The following CSMD1 variants were observed in gnomAD, a reference collection of about 807,000 sequenced individuals.
CSMD1 encodes CUB and Sushi multiple domains 1.
CSMD1 carries 213 observed loss-of-function variants against 417.5 expected under a neutral mutation model. The ratio of observed to expected loss-of-function variants is 0.51; its 90% CI spans 0.46 to 0.57. The LOEUF is 0.57. Among genes scored for constraint, CSMD1 ranks in the 20% least tolerant of loss-of-function variants. The pLI is 0.00. For missense variants in CSMD1, 6,923 were observed against 4,529.7 expected, an observed-to-expected ratio of 1.53 and a Z score of -15.17; for synonymous variants, 2,862 against 1,736.8, an observed-to-expected ratio of 1.65 and a Z score of -16.11.
In CSMD1 at chr8:2,957,801, T is replaced by C; in HGVS notation, c.9709A>G (p.Ser3237Gly). 1 of 1,578,528 alleles carries C rather than the reference T, an allele frequency of 6.3e-7. No homozygotes were observed. The highest frequency in any genetic ancestry group is 8.6e-7 in the Non-Finnish European group (1 of 1,159,906). Residue 3237 changes from serine to glycine, a missense_variant, in exon 63 of 70, where the codon AGC becomes GGC. By Grantham distance (56) the Ser-to-Gly change is moderately conservative. Transcript: ENST00000635120. ...TTTCTGCACCTGAAAAAAACCGTGC[T>C]TCCAACCTAGAGAGGAAATCCAATA... ...QNSSRGYEVGSTVFFRCRKGY... is the reference protein window; with the variant it reads ...QNSSRGYEVGGTVFFRCRKGY...
intron 3 of CSMD1, among the ~76,000 whole-genome samples, chr8:4,051,053 T>C (rs764191807): frequency 2.0e-5 from 3 of 152,088 alleles, no homozygotes; most frequent in African/African-American, 2.4e-5. Flanking sequence ...TGAAATCCTC[T>C]CTGGCTTTGT....
chr8:4,332,462 G>T (rs1260994325), intron 3 of CSMD1, among the ~76,000 whole-genome samples: 8 of 151,712 alleles, frequency 5.3e-5, no homozygotes, highest in Non-Finnish European at 1.0e-4. Context: ...AGTGTGTACT[G>T]TCTCTCCAAC....
chr8:3,939,351 C>G (rs546226163), intron 5 of CSMD1, among the ~76,000 whole-genome samples: 9 of 152,116 alleles, frequency 5.9e-5, no homozygotes, highest in South Asian at 2.1e-4. Flanking sequence ...ATTAAAAAGT[C>G]AAGAAAATAT....
At chr8:3,358,326 G>A (rs189900049) in intron 21 of CSMD1, among the ~76,000 whole-genome samples, 50 of 152,282 alleles carry the variant, frequency 3.3e-4, no homozygotes, top group Non-Finnish European at 3.2e-4. Context: ...TAACTTTAAA[G>A]AACAATTTGT....
chr8:3,204,343 C>G (rs1053212404), intron 31 of CSMD1, among the ~76,000 whole-genome samples: 1 of 151,710 alleles, frequency 6.6e-6, no homozygotes, highest in Non-Finnish European at 1.5e-5. Context: ...TGTCATGTTT[C>G]CATGAACAGA....
At chr8:3,662,062 C>T (rs764013103) in intron 7 of CSMD1, among the ~76,000 whole-genome samples, 1 of 152,140 alleles carries the variant, frequency 6.6e-6, no homozygotes, top group African/African-American at 2.4e-5. Context: ...GGCAACTGCT[C>T]AGTAGTTGTG....
chr8:2,971,345 C>T (rs1804441724), intron 57 of CSMD1, among the ~76,000 whole-genome samples: 2 of 152,094 alleles, frequency 1.3e-5, no homozygotes, highest in South Asian at 4.2e-4. Context: ...TTGCACTTAT[C>T]GGGTCTCTTA....
intron 5 of CSMD1, among the ~76,000 whole-genome samples, chr8:3,926,065 C>CACACAAACACCATACACACACACAA: frequency 7.2e-6 from 1 of 138,972 alleles, no homozygotes; most frequent in Admixed American, 7.4e-5. Context: ...CACACACACA[C>CACACAAACACCATACACACACACAA]ACACACACAA....
At chr8:4,952,715 AG>A (rs1399918185) in intron 1 of CSMD1, among the ~76,000 whole-genome samples, 1 of 152,096 alleles carries the variant, frequency 6.6e-6, no homozygotes, top group Non-Finnish European at 1.5e-5. Context: ...TATTAAAATG[AG>A]TATATCAAAT....
intron 10 of CSMD1, among the ~76,000 whole-genome samples, chr8:3,513,701 T>C (rs773817021): frequency 3.3e-5 from 5 of 152,184 alleles, no homozygotes; most frequent in Non-Finnish European, 5.9e-5. Context: ...CACTTGGATA[T>C]GTAAGTCTAC....
At chr8:4,760,449 A>T (rs958811095) in intron 1 of CSMD1, among the ~76,000 whole-genome samples, 29 of 152,274 alleles carry the variant, frequency 1.9e-4, no homozygotes, top group South Asian at 4.1e-4. Context: ...GCATTTCCTA[A>T]ATGCCTAATA....
intron 6 of CSMD1, among the ~76,000 whole-genome samples, chr8:3,710,229 G>A (rs5003048): frequency 0.33 from 50,042 of 151,776 alleles, 8,394 homozygotes; most frequent in East Asian, 0.49. Flanking sequence ...ATTGAACAGA[G>A]TCTAAAAATA....
chr8:4,089,010 G>A (rs1334297770), intron 3 of CSMD1, among the ~76,000 whole-genome samples: 1 of 152,214 alleles, frequency 6.6e-6, no homozygotes, highest in Admixed American at 6.5e-5. Context: ...TCCCCTTGCT[G>A]AGGGTCTCAA....
At chr8:4,082,943 C>G (rs1227409579) in intron 3 of CSMD1, among the ~76,000 whole-genome samples, 1 of 151,924 alleles carries the variant, frequency 6.6e-6, no homozygotes, top group Non-Finnish European at 1.5e-5. Flanking sequence ...AGGACATGAA[C>G]TCACCATTTT....
intron 1 of CSMD1, among the ~76,000 whole-genome samples, chr8:4,743,953 G>A (rs1053379413): frequency 2.0e-5 from 3 of 152,204 alleles, no homozygotes; most frequent in African/African-American, 7.2e-5. Flanking sequence ...TCTTCCCAGA[G>A]TGATTCCATG....
chr8:4,021,407 T>G lies in CSMD1; in HGVS notation c.610+10498A>C, dbSNP rs74553371. On this transcript the variant is annotated intron_variant, in intron 4 of 69. Coordinates refer to ENST00000635120, the MANE Select transcript of CSMD1 (RefSeq NM_033225.6). ...TTCATCTGTGGCTCACATTATGGAT[T>G]GTGTTATATGTTGAGTGGACAGCAC... is the stretch of plus-strand genomic sequence containing the variant. Among the ~76,000 whole-genome samples, 1,059 of 152,316 alleles carry G rather than the reference T, an allele frequency of 7.0e-3. 59 individuals carry two copies. The East Asian group carries it at 0.14, about 20-fold the overall frequency.
intron 3 of CSMD1, among the ~76,000 whole-genome samples, chr8:4,112,697 G>T (rs1174882738): frequency 1.3e-5 from 2 of 152,118 alleles, no homozygotes; most frequent in Admixed American, 6.5e-5. Context: ...ATATATGAGG[G>T]TTTGCAAGTG....
chr8:3,291,662 C>T (rs944783922), intron 25 of CSMD1, among the ~76,000 whole-genome samples: 36 of 152,048 alleles, frequency 2.4e-4, no homozygotes, highest in African/African-American at 6.5e-4. Context: ...TCTGTGGGAT[C>T]GGTGGTGATA....
intron 5 of CSMD1, among the ~76,000 whole-genome samples, chr8:3,830,619 G>C (rs1179627464): frequency 6.6e-6 from 1 of 152,066 alleles, no homozygotes; most frequent in Non-Finnish European, 1.5e-5. Context: ...GAAAAATATT[G>C]ATTTAATGCT....
Sources: gnomAD v4.1 joint callset for allele counts (sites outside exome capture counted in the v4.1 genomes callset) on GRCh38, gnomAD v4.1.1 for gene constraint, MANE v1.5 for transcripts, NCBI Gene and HGNC (gene_info 2026-07-23, HGNC 2026-07-21) for gene names.